Variants in EYA1 observed in about 807,000 individuals in gnomAD.
The protein encoded by EYA1 is EYA transcriptional coactivator and phosphatase 1.
Under a neutral mutation model 82.0 loss-of-function variants are expected in EYA1, and 16 were observed. That is an observed-to-expected ratio of 0.20 (90% CI 0.13 to 0.30). The LOEUF is 0.30. Among genes scored for constraint, EYA1 ranks in the 10% least tolerant of loss-of-function variants. EYA1 has a pLI of 1.00. For missense variants in EYA1, 633 were observed against 730.7 expected (o/e 0.87, Z 1.54); for synonymous variants, 261 against 264.4 (o/e 0.99, Z 0.12).
At chr8:71,214,747 A>C (rs1808963923) in intron 16 of EYA1, among the ~76,000 whole-genome samples, 1 of 152,214 alleles carries the variant, frequency 6.6e-6, no homozygotes, top group Admixed American at 6.5e-5. Context: ...GTAGACAACT[A>C]AAAAATGCTC....
At chr8:71,387,490 A>C (rs936528501) in intron 2 of EYA1, among the ~76,000 whole-genome samples, 1 of 152,196 alleles carries the variant, frequency 6.6e-6, no homozygotes, top group Non-Finnish European at 1.5e-5. Context: ...AGACGGACTT[A>C]GACCAGAGAA....
At chr8:71,478,167 T>C (rs925295769) in intron 2 of EYA1, among the ~76,000 whole-genome samples, 9 of 152,332 alleles carry the variant, frequency 5.9e-5, no homozygotes, top group South Asian at 2.1e-4. Context: ...AAATAATTTG[T>C]GCATTTCACT....
chr8:71,424,200 T>A (rs1265275486), intron 2 of EYA1, among the ~76,000 whole-genome samples: 1 of 152,220 alleles, frequency 6.6e-6, no homozygotes, highest in Non-Finnish European at 1.5e-5. Flanking sequence ...GCCAAGGGAA[T>A]ATATTTATCT....
chr8:71,313,532 A>AC (rs1183560035), intron 7 of EYA1, among the ~76,000 whole-genome samples: 1 of 152,188 alleles, frequency 6.6e-6, no homozygotes, highest in Non-Finnish European at 1.5e-5. Context: ...AAAATTGACA[A>AC]CAATCATTTG....
At chr8:71,206,078 G>T (rs926467154) in intron 17 of EYA1, among the ~76,000 whole-genome samples, 1 of 152,138 alleles carries the variant, frequency 6.6e-6, no homozygotes, top group African/African-American at 2.4e-5. Context: ...TTAGGGGAAA[G>T]AAGACACTTA....
Position 71,425,104 on chromosome 8 carries a change from C to CAAAAAA in EYA1, c.34-68599_34-68594dup, listed in dbSNP as rs71264555. On this transcript the variant is annotated intron_variant, in intron 2 of 18. Coordinates refer to the EYA1 transcript ENST00000643681. ...TGAAACCCTGTCTCCACTAAAAATA[C>CAAAAAA]AAAAAAAAAAAAAAAAAAAAAAAAA... is the stretch of plus-strand genomic sequence containing the variant. Among the ~76,000 whole-genome samples, 60 of 75,270 alleles carry CAAAAAA rather than the reference C, an allele frequency of 8.0e-4. 1 individual carries two copies. The highest frequency in any genetic ancestry group is 9.5e-4 in the African/African-American group (17 of 17,896). The allele number at this position is 75,270 out of a possible 152,430, so 49.4% of individuals were successfully genotyped here. A position where few individuals can be genotyped will look rare whatever the true frequency, so the allele number is the denominator to read the frequency against.
intron 2 of EYA1, among the ~76,000 whole-genome samples, chr8:71,506,941 A>G (rs1812235980): frequency 6.6e-6 from 1 of 152,074 alleles, no homozygotes; most frequent in African/African-American, 2.4e-5. Flanking sequence ...TGAACATATT[A>G]AAAGTTCATA....
chr8:71,307,383 C>T (rs1820844812), intron 7 of EYA1, among the ~76,000 whole-genome samples: 1 of 152,070 alleles, frequency 6.6e-6, no homozygotes, highest in Non-Finnish European at 1.5e-5. Context: ...TGGCTCACAG[C>T]AACCTCTGCC....
At chr8:71,271,991 T>C (rs1816602104) in intron 9 of EYA1, 94 bp from the exon 10 acceptor site, 3 of 1,297,778 alleles carry the variant, frequency 2.3e-6, no homozygotes, top group Non-Finnish European at 1.1e-6. Context: ...GTTTCAATAG[T>C]AAAGCACATT....
At chr8:71,252,406 C>T (rs1452480324) in intron 11 of EYA1, among the ~76,000 whole-genome samples, 1 of 152,028 alleles carries the variant, frequency 6.6e-6, no homozygotes, top group Non-Finnish European at 1.5e-5. Flanking sequence ...TGCAGCACTA[C>T]CATAAAGGAG....
At chr8:71,346,020 G>GCACA (rs543796574) in intron 3 of EYA1, among the ~76,000 whole-genome samples, 19 of 150,802 alleles carry the variant, frequency 1.3e-4, no homozygotes, top group African/African-American at 4.4e-4. Context: ...ACACGTGCGC[G>GCACA]CACACACACA....
chr8:71,287,125 T>C (rs1319418933), intron 9 of EYA1, among the ~76,000 whole-genome samples: 1 of 151,454 alleles, frequency 6.6e-6, no homozygotes, highest in Non-Finnish European at 1.5e-5. Context: ...GATTTTGGCA[T>C]AAAAGAAAAA....
chr8:71,340,687 T>A (rs1825020839), intron 3 of EYA1, among the ~76,000 whole-genome samples: 1 of 152,170 alleles, frequency 6.6e-6, no homozygotes, highest in African/African-American at 2.4e-5. Flanking sequence ...CTCTTCTACC[T>A]CATTTTATAT....
chr8:71,518,927 T>C (rs1813186013), intron 2 of EYA1, among the ~76,000 whole-genome samples: 1 of 152,190 alleles, frequency 6.6e-6, no homozygotes, highest in South Asian at 2.1e-4. Flanking sequence ...CAAGTATTAT[T>C]GAACCCTTTT....
intron 2 of EYA1, among the ~76,000 whole-genome samples, chr8:71,440,076 G>A (rs569087190): frequency 2.2e-4 from 34 of 152,248 alleles, no homozygotes; most frequent in African/African-American, 7.5e-4. Flanking sequence ...GCTAGTGGAC[G>A]TTTTCTATTA....
chr8:71,291,718 C>T (rs1467320908), intron 9 of EYA1, among the ~76,000 whole-genome samples: 3 of 152,072 alleles, frequency 2.0e-5, no homozygotes, highest in Non-Finnish European at 4.4e-5. Context: ...AAGAATTTAG[C>T]CTCAACATTC....
intron 7 of EYA1, among the ~76,000 whole-genome samples, chr8:71,302,582 A>AACAAAAAGT (rs1419348390): frequency 1.4e-4 from 14 of 101,470 alleles, no homozygotes; most frequent in African/African-American, 4.1e-4. Flanking sequence ...TTGGAGACTT[A>AACAAAAAGT]ATGCAACTTC....
chr8:71,249,173 T>G (rs1813454885), intron 11 of EYA1, among the ~76,000 whole-genome samples: 1 of 152,198 alleles, frequency 6.6e-6, no homozygotes, highest in African/African-American at 2.4e-5. Context: ...TGCTGTTTAC[T>G]CTCTTCTTGA....
chr8:71,430,559 C>T (rs1432884255), intron 2 of EYA1, among the ~76,000 whole-genome samples: 1 of 152,100 alleles, frequency 6.6e-6, no homozygotes, highest in Non-Finnish European at 1.5e-5. Flanking sequence ...AGGACAGTGC[C>T]CTGCATCATC....
Sources: allele counts gnomAD v4.1 joint callset (sites outside exome capture counted in the v4.1 genomes callset), GRCh38; gene constraint gnomAD v4.1.1; transcripts MANE v1.5; gene names NCBI Gene and HGNC (gene_info 2026-07-23, HGNC 2026-07-21).